HTT: variants seen among roughly 807,000 people sequenced by gnomAD.
HTT encodes huntingtin.
Under a neutral mutation model 362.3 loss-of-function variants are expected in HTT, and 104 were observed. That is an observed-to-expected ratio of 0.29 (90% CI 0.24 to 0.34). The LOEUF is 0.34. Ranked by LOEUF, HTT falls within the 10% of genes least tolerant of loss-of-function variation. The pLI, the probability that HTT is intolerant of heterozygous loss-of-function variation, is 1.00. For missense variants in HTT, 3,301 were observed against 3,928.6 expected, an observed-to-expected ratio of 0.84 and a Z score of 4.27; for synonymous variants, 1,577 against 1,548.7, an observed-to-expected ratio of 1.02 and a Z score of -0.43.
intron 59 of HTT, among the ~76,000 whole-genome samples, chr4:3,229,585 T>C (rs1374843757): frequency 4.1e-5 from 6 of 146,124 alleles, no homozygotes; most frequent in Admixed American, 4.1e-4. Context: ...CACACATGTA[T>C]ATACACACCC....
chr4:3,223,234 G>A (rs554901382), intron 54 of HTT, among the ~76,000 whole-genome samples, 172 bp from the exon 55 acceptor site: 4 of 152,248 alleles, frequency 2.6e-5, no homozygotes, highest in East Asian at 1.9e-4. Flanking sequence ...TTCAGGGCCC[G>A]TGTGTGCGGA....
chr4:3,176,934 C>T (rs945846781), intron 33 of HTT, among the ~76,000 whole-genome samples: 17 of 152,186 alleles, frequency 1.1e-4, no homozygotes, highest in Middle Eastern at 3.2e-3. Flanking sequence ...GCAGCCCTTA[C>T]GTGTCGCCTC....
rs182786260 is a variant in HTT, at chr4:3,103,925, A to T, written c.528+42A>T. 4,663 of 1,210,908 alleles carry T rather than the reference A, an allele frequency of 3.9e-3. 14 individuals carry two copies. The highest frequency in any genetic ancestry group is 4.0e-3 in the Non-Finnish European group (3,263 of 822,450). The allele number at this position is 1,210,908 out of a possible 1,614,324, so 75.0% of individuals were successfully genotyped here. A position where few individuals can be genotyped will look rare whatever the true frequency, so the allele number is the denominator to read the frequency against. ...TTTTTTAAAAATGTTTTAAATTTTA[A>T]ATTTTTATAGGTACACGTATTTTGT... On this transcript the variant is annotated intron_variant, in intron 4 of 66. Coordinates refer to ENST00000355072, the MANE Select transcript of HTT (RefSeq NM_001388492.1).
rs1721753832 is a variant in HTT at position 3,240,407 on chromosome 4, C to T, written c.*348C>T. ...CTTGCATCTGGGCCAGAAGTCCTCC[C>T]TCCTGCAGGCTGGCTGTTGGCCCCT... On this transcript the variant is annotated 3_prime_UTR_variant, in exon 67 of 67. Coordinates refer to ENST00000355072, the MANE Select transcript of HTT (RefSeq NM_001388492.1). 4 of 342,090 alleles carry T rather than the reference C, an allele frequency of 1.2e-5. No homozygotes were observed. The highest frequency in any genetic ancestry group is 1.2e-4 in the South Asian group (4 of 34,750). 21.2% of individuals were successfully genotyped at this position (342,090 alleles called of 1,614,324 possible). A position where few individuals can be genotyped will look rare whatever the true frequency, so the allele number is the denominator to read the frequency against.
chr4:3,079,321 A>G (rs547158060), intron 1 of HTT, among the ~76,000 whole-genome samples: 55 of 141,638 alleles, frequency 3.9e-4, no homozygotes, highest in Non-Finnish European at 7.0e-4. Flanking sequence ...CAGTATCACT[A>G]TCGTAGCTCA....
rs529946605 is a variant in HTT, at chr4:3,241,456, CTGA to C, written c.*1400_*1402del. 1.6e-4 allele frequency: 24 copies of C among 152,596 alleles called. No individual in the cohort carries two copies. Among genetic ancestry groups the C allele is most frequent in the Admixed American group, 4.6e-4 (7 of 15,316 alleles). 9.5% of individuals were successfully genotyped at this position (152,596 alleles called of 1,614,324 possible). On this transcript the variant is annotated 3_prime_UTR_variant, in exon 67 of 67. Transcript: ENST00000355072. ...TGGATTCTGGATGGCCGGGCTGCTG[CTGA>C]TGTAGGAGCTGGATTTGGGAGCTCT...
At position 3,180,521 on chromosome 4, in the gene HTT, C is replaced by T. The variant is rs749310222; in HGVS notation, c.4619C>T (p.Pro1540Leu). 6.3e-7 allele frequency: 1 copy of T among 1,599,670 alleles called. No homozygotes were observed. The highest frequency in any genetic ancestry group is 8.5e-7 in the Non-Finnish European group (1 of 1,173,366). Residue 1540 changes from proline to leucine, a missense_variant, in exon 36 of 67, where the codon CCG (proline) becomes CTG (leucine). This residue lies in a region of HTT where 2,316 missense variants were observed against 2,658.5 expected (regional missense o/e 0.87). Coordinates refer to ENST00000355072, the MANE Select transcript of HTT (RefSeq NM_001388492.1). ...SGRKAVTHAIPALQPIVHDLF... is the reference protein window; with the variant it reads ...SGRKAVTHAILALQPIVHDLF... ...TACCCTTTTGTCCCCACAGCCATACCGGCTCTGCAGCCCATAGTCCACGAC... is the reference window on the plus strand; with the variant it reads ...TACCCTTTTGTCCCCACAGCCATACTGGCTCTGCAGCCCATAGTCCACGAC...
intron 61 of HTT, among the ~76,000 whole-genome samples, chr4:3,234,154 G>A (rs1478317882): frequency 6.6e-6 from 1 of 152,266 alleles, no homozygotes; most frequent in African/African-American, 2.4e-5. Flanking sequence ...GACCTGGAGG[G>A]AGACGGGAAG....
At position 3,221,158 on chromosome 4, in the gene HTT, C is replaced by CT. The variant is rs551181892; in HGVS notation, c.7369+851dup. ...CACCCTGACTCCACTGTCCAGTCCT[C>CT]TCCCCAGTCCCTCGGGCTTCTGCAG... is the stretch of plus-strand genomic sequence containing the variant. On this transcript the variant is annotated intron_variant, in intron 53 of 66. Transcript: ENST00000355072. Among the ~76,000 whole-genome samples, 207 of 152,324 alleles carry CT rather than the reference C, an allele frequency of 1.4e-3. 1 individual carries two copies. The highest frequency in any genetic ancestry group is 4.8e-3 in the African/African-American group (199 of 41,574).
chr4:3,195,983 C>T (rs1451980466), intron 40 of HTT, among the ~76,000 whole-genome samples: 1 of 152,152 alleles, frequency 6.6e-6, no homozygotes, highest in Non-Finnish European at 1.5e-5. Flanking sequence ...CCTGCTGCTT[C>T]CCAGCAGCAG....
intron 2 of HTT, among the ~76,000 whole-genome samples, chr4:3,098,427 C>T (rs972945630): frequency 5.3e-5 from 8 of 152,282 alleles, no homozygotes; most frequent in Middle Eastern, 3.4e-3. Context: ...CATTTTGATG[C>T]TTCAAAAATA....
chr4:3,132,758 T>C (rs1452847965), intron 17 of HTT, 38 bp downstream of exon 17: 9 of 1,613,478 alleles, frequency 5.6e-6, no homozygotes, highest in South Asian at 1.1e-5. Flanking sequence ...TTTCTAGTTA[T>C]GCTTACTAAG....
intron 29 of HTT, among the ~76,000 whole-genome samples, chr4:3,163,139 C>T (rs910180777): frequency 1.3e-5 from 2 of 152,124 alleles, no homozygotes; most frequent in African/African-American, 2.4e-5. Context: ...GCATGAAAGG[C>T]TGTTGAATTT....
In HTT at chr4:3,142,754, T is replaced by TA; in HGVS notation, c.2946-12_2946-11insA. 7.3e-7 allele frequency: 1 copy of TA among 1,364,048 alleles called. No individual in the cohort carries two copies. The highest frequency in any genetic ancestry group is 1.4e-5 in the African/African-American group (1 of 69,670). The allele number at this position is 1,364,048 out of a possible 1,614,324, so 84.5% of individuals were successfully genotyped here. A position where few individuals can be genotyped will look rare whatever the true frequency, so the allele number is the denominator to read the frequency against. Reference sequence around the variant, plus strand: ...AATAGTGTATTTTAAGTCTCTATATTTTTGTTATTAGAATATATAGAGGCT... The same window carrying TA: ...AATAGTGTATTTTAAGTCTCTATATTATTTGTTATTAGAATATATAGAGGCT... On this transcript the variant is annotated splice_polypyrimidine_tract_variant and intron_variant, in intron 22 of 66. Transcript: ENST00000355072.
At chr4:3,111,059 C>T (rs1714720285) in intron 6 of HTT, among the ~76,000 whole-genome samples, 2 of 152,046 alleles carry the variant, frequency 1.3e-5, no homozygotes, top group African/African-American at 4.8e-5. Context: ...GCCCTGTTGC[C>T]CAGGTTGTGG....
intron 6 of HTT, among the ~76,000 whole-genome samples, chr4:3,113,217 T>C (rs181536014): frequency 6.6e-6 from 1 of 152,298 alleles, no homozygotes; most frequent in East Asian, 1.9e-4. Context: ...CCCTTGGAGC[T>C]CTCTGACTAA....
At chr4:3,225,589 G>A in intron 56 of HTT, 72 bp from the exon 57 acceptor site, 1 of 1,373,448 alleles carries the variant, frequency 7.3e-7, no homozygotes, top group Non-Finnish European at 1.0e-6. Context: ...GGCAGGAGCT[G>A]GGCTGGTATG....
intron 61 of HTT, among the ~76,000 whole-genome samples, chr4:3,234,682 T>C (rs1313482778): frequency 6.6e-6 from 1 of 152,134 alleles, no homozygotes; most frequent in African/African-American, 2.4e-5. Context: ...CTCAGCACCA[T>C]GGGCAGAGGG....
intron 29 of HTT, among the ~76,000 whole-genome samples, chr4:3,163,532 T>C (rs1578551761): frequency 6.6e-6 from 1 of 152,234 alleles, no homozygotes; most frequent in Admixed American, 6.5e-5. Context: ...TCTGGTAGAA[T>C]TCGGCTGTGA....
Sources: allele counts gnomAD v4.1 joint callset (sites outside exome capture counted in the v4.1 genomes callset), GRCh38; gene constraint gnomAD v4.1.1; regional missense constraint gnomAD v4.1.1; transcripts MANE v1.5; gene names NCBI Gene and HGNC (gene_info 2026-07-23, HGNC 2026-07-21).